NLGN1: variants seen among roughly 807,000 people sequenced by gnomAD.
The protein encoded by NLGN1 is neuroligin 1, also known as neuroligin-1.
NLGN1 carries 12 observed loss-of-function variants against 65.5 expected under a neutral mutation model. The ratio of observed to expected loss-of-function variants is 0.18; its 90% CI spans 0.12 to 0.30. The LOEUF (loss-of-function observed/expected upper bound fraction) is 0.30, where lower values mean the gene tolerates loss of function less well. NLGN1 is among the 10% of genes least tolerant of loss of function. NLGN1 has a pLI of 1.00. For missense variants in NLGN1, 750 were observed against 1,007.1 expected (o/e 0.74, Z 3.46); for synonymous variants, 350 against 359.5 (o/e 0.97, Z 0.30).
At chr3:173,831,400 G>T (rs1441027229) in intron 4 of NLGN1, among the ~76,000 whole-genome samples, 2 of 152,162 alleles carry the variant, frequency 1.3e-5, no homozygotes, top group Admixed American at 1.3e-4. Flanking sequence ...GATGAGGACG[G>T]TGCTACAAGG....
At chr3:173,743,114 T>C (rs1269309841) in intron 3 of NLGN1, among the ~76,000 whole-genome samples, 1 of 152,150 alleles carries the variant, frequency 6.6e-6, no homozygotes, top group African/African-American at 2.4e-5. Context: ...TATTGAGACC[T>C]TTCTCTTGAT....
chr3:173,423,415 T>C (rs1365748356), intron 1 of NLGN1, among the ~76,000 whole-genome samples: 2 of 152,126 alleles, frequency 1.3e-5, no homozygotes, highest in Non-Finnish European at 2.9e-5. Context: ...AAGCCTTATC[T>C]GAGACAAGGC....
At chr3:174,193,165 A>C (rs1732715795) in intron 4 of NLGN1, among the ~76,000 whole-genome samples, 1 of 152,188 alleles carries the variant, frequency 6.6e-6, no homozygotes, top group South Asian at 2.1e-4. Context: ...CAAAGGAACA[A>C]AATAAAATGG....
At chr3:173,771,939 T>C (rs1271262260) in intron 3 of NLGN1, among the ~76,000 whole-genome samples, 4 of 152,016 alleles carry the variant, frequency 2.6e-5, no homozygotes, top group African/African-American at 9.7e-5. Flanking sequence ...GGTTAACTTG[T>C]CTTTGTCAAC....
intron 2 of NLGN1, among the ~76,000 whole-genome samples, chr3:173,516,195 A>G (rs141369314): frequency 5.3e-5 from 8 of 152,232 alleles, no homozygotes; most frequent in Admixed American, 6.5e-5. Context: ...AATGGAGCAC[A>G]TAATATTAAA....
intron 2 of NLGN1, among the ~76,000 whole-genome samples, chr3:173,534,764 A>T (rs1737167103): frequency 6.6e-6 from 1 of 152,236 alleles, no homozygotes; most frequent in Non-Finnish European, 1.5e-5. Flanking sequence ...CCAGGATTCA[A>T]ATCCAAGTTG....
At chr3:173,421,954 T>C (rs912966923) in intron 1 of NLGN1, among the ~76,000 whole-genome samples, 1 of 152,176 alleles carries the variant, frequency 6.6e-6, no homozygotes, top group African/African-American at 2.4e-5. Context: ...TACATATTAA[T>C]AGGATACCCA....
intron 3 of NLGN1, among the ~76,000 whole-genome samples, chr3:173,653,569 T>A (rs1577756807): frequency 6.6e-6 from 1 of 152,224 alleles, no homozygotes; most frequent in East Asian, 1.9e-4. Flanking sequence ...GCCCCAACTT[T>A]TTAGTTTAAG....
chr3:174,251,889 A>G (rs1368935074), intron 4 of NLGN1, among the ~76,000 whole-genome samples: 1 of 152,172 alleles, frequency 6.6e-6, no homozygotes, highest in Non-Finnish European at 1.5e-5. Flanking sequence ...GATGTTTTCC[A>G]TCTTTTCTGA....
At chr3:174,200,473 C>A (rs1380480897) in intron 4 of NLGN1, among the ~76,000 whole-genome samples, 1 of 152,034 alleles carries the variant, frequency 6.6e-6, no homozygotes, top group Non-Finnish European at 1.5e-5. Flanking sequence ...GCATGAAGCT[C>A]TTTTTAAATG....
intron 4 of NLGN1, among the ~76,000 whole-genome samples, chr3:174,013,306 T>A (rs1725904225): frequency 6.6e-6 from 1 of 152,160 alleles, no homozygotes; most frequent in Admixed American, 6.6e-5. Flanking sequence ...CTTTGAAAGG[T>A]TCTACTGTTG....
At chr3:173,444,476 C>T (rs1719801164) in intron 2 of NLGN1, among the ~76,000 whole-genome samples, 2 of 152,122 alleles carry the variant, frequency 1.3e-5, no homozygotes, top group South Asian at 2.1e-4. Flanking sequence ...CTGGATAAGG[C>T]AACTTCTGCA....
At chr3:173,992,975 A>AATGATTGTG in intron 4 of NLGN1, among the ~76,000 whole-genome samples, 1 of 152,334 alleles carries the variant, frequency 6.6e-6, no homozygotes, top group East Asian at 1.9e-4. Flanking sequence ...AATTAAAATT[A>AATGATTGTG]ATGATTGTGT....
chr3:173,944,143 GT>G (rs2152315108), intron 4 of NLGN1, among the ~76,000 whole-genome samples: 1 of 151,898 alleles, frequency 6.6e-6, no homozygotes, highest in South Asian at 2.1e-4. Context: ...GTGTGTGTGT[GT>G]GTGTGTGTGT....
intron 3 of NLGN1, among the ~76,000 whole-genome samples, chr3:173,743,290 T>G (rs907620862): frequency 1.3e-5 from 2 of 152,190 alleles, no homozygotes; most frequent in Non-Finnish European, 2.9e-5. Flanking sequence ...AGTTGTAACA[T>G]GTACGGAATT....
intron 3 of NLGN1, chr3:173,695,475 C>A: frequency 4.2e-6 from 1 of 235,834 alleles, no homozygotes; most frequent in South Asian, 5.6e-5. Flanking sequence ...TTTTTCAATC[C>A]ATTTATTCTG....
chr3:173,897,818 C>T (rs535679566), intron 4 of NLGN1, among the ~76,000 whole-genome samples: 1 of 152,258 alleles, frequency 6.6e-6, no homozygotes, highest in South Asian at 2.1e-4. Flanking sequence ...TTGTCATGAA[C>T]ATCTACCACT....
At chr3:174,126,990 C>G (rs2152661282) in intron 4 of NLGN1, among the ~76,000 whole-genome samples, 1 of 152,206 alleles carries the variant, frequency 6.6e-6, no homozygotes, top group East Asian at 1.9e-4. Context: ...TAGTTAGATA[C>G]AGTTTATACA....
chr3:173,751,134 A>T (rs1003109679), intron 3 of NLGN1, among the ~76,000 whole-genome samples: 1 of 152,078 alleles, frequency 6.6e-6, no homozygotes, highest in African/African-American at 2.4e-5. Flanking sequence ...TCAAGTTTTG[A>T]ATTATGATTC....
Sources: gnomAD v4.1 joint callset for allele counts (sites outside exome capture counted in the v4.1 genomes callset) on GRCh38, gnomAD v4.1.1 for gene constraint, MANE v1.5 for transcripts, NCBI Gene and HGNC (gene_info 2026-07-23, HGNC 2026-07-21) for gene names.